Variants in ZNF350 observed in about 807,000 individuals in gnomAD.
ZNF350 encodes the protein KRAB zinc finger protein ZFQR.
A neutral mutation model predicts 13.1 loss-of-function variants in ZNF350; 5 were observed. The observed-to-expected ratio is 0.38, with a 90% CI of 0.20 to 0.80. ZNF350 has a LOEUF of 0.80. Ranked by LOEUF, ZNF350 falls within the 30% of genes least tolerant of loss-of-function variation. The pLI, the probability that ZNF350 is intolerant of heterozygous loss-of-function variation, is 0.43. For synonymous variants in ZNF350, 199 were observed against 224.2 expected, an observed-to-expected ratio of 0.89 and a Z score of 1.00; for missense variants, 534 against 644.2, an observed-to-expected ratio of 0.83 and a Z score of 1.85.
chr19:51,964,672 T>C lies in ZNF350; in HGVS notation c.*182A>G, dbSNP rs144289318. ...TCATTTAATTGACACAGTCGAGCAA[T>C]TGCTGTGTATGTGCTTAGGTTAACA... On this transcript the variant is annotated 3_prime_UTR_variant, in exon 5 of 5. Coordinates refer to ENST00000243644, the MANE Select transcript of ZNF350 (RefSeq NM_021632.4). 6.0e-5 allele frequency: 37 copies of C among 621,806 alleles called. No homozygotes were observed. The highest frequency in any genetic ancestry group is 5.3e-4 in the African/African-American group (29 of 54,488). The allele number at this position is 621,806 out of a possible 1,614,324, so 38.5% of individuals were successfully genotyped here.
chr19:51,982,963 G>A (rs1313476074), intron 1 of ZNF350, among the ~76,000 whole-genome samples: 2 of 152,224 alleles, frequency 1.3e-5, no homozygotes, highest in African/African-American at 2.4e-5. Context: ...TGAGGAAGGT[G>A]TGGGGGAAAG....
intron 1 of ZNF350, among the ~76,000 whole-genome samples, chr19:51,982,699 A>C (rs2086073303): frequency 6.6e-6 from 1 of 152,230 alleles, no homozygotes; most frequent in Non-Finnish European, 1.5e-5. Context: ...AAAGTTTGAA[A>C]AAAAAGTTAG....
chr19:51,979,430 C>G (rs2085979592), intron 1 of ZNF350, among the ~76,000 whole-genome samples: 1 of 152,168 alleles, frequency 6.6e-6, no homozygotes, highest in African/African-American at 2.4e-5. Flanking sequence ...AAGTTAGACT[C>G]TCAGAACAAT....
chr19:51,965,468 G>C lies in ZNF350; in HGVS notation c.985C>G (p.Gln329Glu). The part of the protein sequence containing the change: ...ICNECGKGFI[Q>E]KTCLIAHQRF... ...TGATGTGCTATGAGACACGTCTTCT[G>C]AATGAAGCCTTTTCCACATTCATTG... The change falls in exon 5 of 5, where the codon CAG becomes GAG. Residue 329 changes from glutamine to glutamate, a missense_variant. Coordinates refer to ENST00000243644, the MANE Select transcript of ZNF350 (RefSeq NM_021632.4). 1 of 1,614,132 alleles carries C rather than the reference G, an allele frequency of 6.2e-7. No individual in the cohort carries two copies. The highest frequency in any genetic ancestry group is 2.2e-5 in the East Asian group (1 of 44,860).
intron 4 of ZNF350, 77 bp downstream of exon 4, chr19:51,968,501 C>T: frequency 1.6e-6 from 2 of 1,264,104 alleles, no homozygotes; most frequent in East Asian, 2.3e-5. Flanking sequence ...TCCTCAAACC[C>T]CCTTCACAGC....
intron 2 of ZNF350, among the ~76,000 whole-genome samples, chr19:51,972,528 C>G (rs1375557781): frequency 6.6e-6 from 1 of 152,000 alleles, no homozygotes; most frequent in Non-Finnish European, 1.5e-5. Flanking sequence ...CAATCATTTG[C>G]AATCATTGGT....
intron 1 of ZNF350, among the ~76,000 whole-genome samples, chr19:51,982,969 G>A: frequency 6.6e-6 from 1 of 152,178 alleles, no homozygotes; most frequent in East Asian, 1.9e-4. Flanking sequence ...AGGTGTGGGG[G>A]AAAGAGAGAT....
At position 51,964,935 on chromosome 19, in the gene ZNF350, G is replaced by T; in HGVS notation, c.1518C>A (p.Asp506Glu). The change falls in exon 5 of 5, where the codon GAC becomes GAA. Residue 506 changes from aspartate (D) to glutamate (E), a missense_variant. Physicochemically the swap from Asp to Glu is conservative, Grantham distance 45 (BLOSUM62 2). Transcript: ENST00000243644. ...ASGDNRGFAQDRNLVNAVNVV... is the reference protein window; with the variant it reads ...ASGDNRGFAQERNLVNAVNVV... ...CATTCACTGCATTCACAAGGTTTCT[G>T]TCCTGTGCAAATCCTCTGTTATCTC... 6.2e-7 allele frequency: 1 copy of T among 1,614,150 alleles called. No individual in the cohort carries two copies. The highest frequency in any genetic ancestry group is 8.5e-7 in the Non-Finnish European group (1 of 1,180,020).
chr19:51,969,193 A>C, intron 2 of ZNF350, 62 bp from the exon 3 acceptor site: 1 of 1,581,140 alleles, frequency 6.3e-7, no homozygotes, highest in Non-Finnish European at 8.6e-7. Context: ...GAAATGCTAA[A>C]GTTTTTCTGC....
intron 1 of ZNF350, among the ~76,000 whole-genome samples, chr19:51,983,544 G>A (rs1014503698): frequency 1.3e-5 from 2 of 152,160 alleles, no homozygotes; most frequent in African/African-American, 4.8e-5. Flanking sequence ...TATAACTAAA[G>A]GTGAGACATA....
intron 2 of ZNF350, among the ~76,000 whole-genome samples, chr19:51,970,990 T>C (rs763227549): frequency 3.9e-5 from 6 of 152,214 alleles, no homozygotes; most frequent in African/African-American, 9.7e-5. Flanking sequence ...CAGCCCAACC[T>C]TGAAGACCAT....
Position 51,976,104 on chromosome 19 carries a change from AT to A in ZNF350, c.-171-1574del, listed in dbSNP as rs2085888527. Among the ~76,000 whole-genome samples the A allele has an allele frequency of 6.8e-6, 1 of 147,498 alleles. No homozygotes were observed. Among genetic ancestry groups the A allele is most frequent in the Admixed American group, 6.8e-5 (1 of 14,774 alleles). On this transcript the variant is annotated intron_variant, in intron 1 of 4. Coordinates refer to ENST00000243644, the MANE Select transcript of ZNF350 (RefSeq NM_021632.4). This position sits in a 1 kb window ranked among gnomAD's most constrained non-coding sequence, Gnocchi z 4.5. The stretch of plus-strand genomic sequence containing the variant: ...ACTACTCTGGACCCCTGGCGCCGTT[AT>A]CTACTGCGACATCTAGAGAATGCAG...
chr19:51,982,830 A>G (rs1404392074), intron 1 of ZNF350, among the ~76,000 whole-genome samples: 1 of 152,246 alleles, frequency 6.6e-6, no homozygotes, highest in Admixed American at 6.5e-5. Context: ...AAGCAGAATT[A>G]AGCACATATA....
chr19:51,969,593 A>G (rs2085677640), intron 2 of ZNF350, among the ~76,000 whole-genome samples: 1 of 152,056 alleles, frequency 6.6e-6, no homozygotes, highest in Non-Finnish European at 1.5e-5. Context: ...GCACTTTCGG[A>G]GGCCAAGGCA....
At chr19:51,967,985 G>A (rs141482055) in intron 4 of ZNF350, among the ~76,000 whole-genome samples, 258 of 152,288 alleles carry the variant, frequency 1.7e-3, no homozygotes, top group African/African-American at 4.6e-3. Context: ...CCAGGGAGCG[G>A]AAGGAGTTTA....
intron 2 of ZNF350, chr19:51,974,104 C>T (rs2085819435): frequency 2.6e-6 from 1 of 381,692 alleles, no homozygotes; most frequent in Admixed American, 4.0e-5. Context: ...CTAATATAAT[C>T]CACAGGATCC....
chr19:51,984,422 G>A (rs746513201), intron 1 of ZNF350, among the ~76,000 whole-genome samples: 67 of 152,108 alleles, frequency 4.4e-4, no homozygotes, highest in Non-Finnish European at 7.6e-4. Context: ...TATCCTGCTA[G>A]GGGAACTGTA....
intron 1 of ZNF350, 187 bp downstream of exon 1, chr19:51,986,583 C>T (rs1003471418): frequency 5.2e-5 from 8 of 152,612 alleles, no homozygotes; most frequent in African/African-American, 1.9e-4. Context: ...GCACGCGGAC[C>T]ACAGACAGGG....
intron 1 of ZNF350, among the ~76,000 whole-genome samples, chr19:51,975,906 A>T (rs1409638668): frequency 6.6e-6 from 1 of 152,214 alleles, no homozygotes; most frequent in Non-Finnish European, 1.5e-5. Flanking sequence ...GGCCCGTGGG[A>T]CGTGACCAAC....
Sources: gnomAD v4.1 joint callset for allele counts (sites outside exome capture counted in the v4.1 genomes callset) on GRCh38, gnomAD v4.1.1 for gene constraint, Gnocchi (gnomAD v3.1) non-coding constraint, MANE v1.5 for transcripts, NCBI Gene and HGNC (gene_info 2026-07-23, HGNC 2026-07-21) for gene names.